ZFHX3: variants seen among roughly 807,000 people sequenced by gnomAD.
ZFHX3 encodes the protein zinc finger homeobox 3.
Under a neutral mutation model 279.1 loss-of-function variants are expected in ZFHX3, and 42 were observed. That is an observed-to-expected ratio of 0.15 (90% CI 0.12 to 0.19). The LOEUF (loss-of-function observed/expected upper bound fraction) is 0.19, where lower values mean the gene tolerates loss of function less well. ZFHX3 is among the 10% of genes least tolerant of loss of function. ZFHX3 has a pLI of 1.00. For synonymous variants in ZFHX3, 2,293 were observed against 1,957.8 expected (o/e 1.17, Z -4.52); for missense variants, 4,981 against 4,754.0 (o/e 1.05, Z -1.40).
At chr16:73,595,798 C>G (rs1368512562) in intron 2 of ZFHX3, among the ~76,000 whole-genome samples, 2 of 152,134 alleles carry the variant, frequency 1.3e-5, no homozygotes, top group Non-Finnish European at 2.9e-5. Flanking sequence ...ACTCACCGAA[C>G]TAGGCATTTG....
Position 72,796,232 on chromosome 16 carries a change from G to T in ZFHX3, c.6450C>A (p.Thr2150=). The change falls in exon 9 of 10, where the codon ACC becomes ACA. Residue 2150 remains threonine, a synonymous_variant. Transcript: ENST00000268489. ...LLQQQNKRPR[T]RITDDQLRVL... ...CTCGGAGCTGATCATCTGTGATCCTGGTGCGAGGCCTCTTGTTCTGCTGCT... is the reference window on the plus strand; with the variant it reads ...CTCGGAGCTGATCATCTGTGATCCTTGTGCGAGGCCTCTTGTTCTGCTGCT... The T allele has an allele frequency of 6.2e-7, 1 of 1,614,106 alleles. No individual in the cohort carries two copies. The highest frequency in any genetic ancestry group is 8.5e-7 in the Non-Finnish European group (1 of 1,180,026).
intron 2 of ZFHX3, chr16:73,483,318 A>AGAGC (rs2018905709): frequency 2.2e-6 from 1 of 447,818 alleles, no homozygotes. Flanking sequence ...CGAGAGACCA[A>AGAGC]GAGCGAGCGA....
At chr16:73,423,452 G>A (rs188752237) in intron 3 of ZFHX3, among the ~76,000 whole-genome samples, 89 of 152,282 alleles carry the variant, frequency 5.8e-4, no homozygotes, top group African/African-American at 2.1e-3. Flanking sequence ...GGGTGCTGGT[G>A]AGACCGGGCA....
intron 2 of ZFHX3, among the ~76,000 whole-genome samples, chr16:73,506,781 A>G (rs1032158059): frequency 2.0e-5 from 3 of 152,142 alleles, no homozygotes; most frequent in African/African-American, 7.2e-5. Flanking sequence ...AGATGACAGG[A>G]GACAGCAGGT....
At chr16:72,949,206 T>C (rs1384621552) in intron 3 of ZFHX3, among the ~76,000 whole-genome samples, 3 of 152,206 alleles carry the variant, frequency 2.0e-5, no homozygotes, top group Non-Finnish European at 2.9e-5. Context: ...CTTCCTTATA[T>C]GGAATCTCCG....
intron 3 of ZFHX3, among the ~76,000 whole-genome samples, chr16:72,899,321 C>G (rs575761391): frequency 6.6e-6 from 1 of 152,244 alleles, no homozygotes; most frequent in East Asian, 1.9e-4. Context: ...AGCGAGTTCT[C>G]ATGAGATCTG....
chr16:73,818,479 A>G (rs1234150440), intron 1 of ZFHX3, among the ~76,000 whole-genome samples: 3 of 152,208 alleles, frequency 2.0e-5, no homozygotes, highest in Non-Finnish European at 4.4e-5. Flanking sequence ...CAGCATCATT[A>G]TACATGATAT....
chr16:73,395,557 C>T (rs1218223063), intron 3 of ZFHX3, among the ~76,000 whole-genome samples: 4 of 151,920 alleles, frequency 2.6e-5, no homozygotes, highest in Admixed American at 6.6e-5. Context: ...AAATTCTGAA[C>T]TAATTGCCCA....
At chr16:73,485,987 T>C (rs1013317897) in intron 2 of ZFHX3, among the ~76,000 whole-genome samples, 1 of 152,238 alleles carries the variant, frequency 6.6e-6, no homozygotes. Context: ...TGTTCATCAA[T>C]GTGTCCCAAG....
intron 1 of ZFHX3, among the ~76,000 whole-genome samples, chr16:73,844,897 T>C (rs528127530): frequency 6.6e-6 from 1 of 151,894 alleles, no homozygotes; most frequent in South Asian, 2.1e-4. Context: ...AGGAAGATGA[T>C]GAATAGATGA....
At chr16:73,670,655 A>G (rs1249599438) in intron 2 of ZFHX3, among the ~76,000 whole-genome samples, 1 of 152,214 alleles carries the variant, frequency 6.6e-6, no homozygotes, top group Non-Finnish European at 1.5e-5. Flanking sequence ...AATAAGGAGT[A>G]AAAACAGGAA....
chr16:73,237,547 T>C (rs1407412454), intron 5 of ZFHX3, among the ~76,000 whole-genome samples: 1 of 148,884 alleles, frequency 6.7e-6, no homozygotes, highest in Non-Finnish European at 1.5e-5. Flanking sequence ...TTTTTTTTTT[T>C]TTTTGGAGAG....
intron 5 of ZFHX3, among the ~76,000 whole-genome samples, chr16:73,221,394 A>T (rs774851932): frequency 1.1e-4 from 17 of 152,184 alleles, no homozygotes; most frequent in Admixed American, 5.9e-4. Context: ...ACTTGAGTAT[A>T]TATTTTATTT....
chr16:73,810,589 T>A (rs978486108), intron 1 of ZFHX3, among the ~76,000 whole-genome samples: 2 of 152,208 alleles, frequency 1.3e-5, no homozygotes, highest in Non-Finnish European at 2.9e-5. Flanking sequence ...CATTATCTTA[T>A]TTGAGCCTTA....
At chr16:73,856,499 T>G (rs1285971630) in intron 1 of ZFHX3, among the ~76,000 whole-genome samples, 2 of 152,210 alleles carry the variant, frequency 1.3e-5, no homozygotes, top group Non-Finnish European at 2.9e-5. Context: ...ATGGATATCC[T>G]CTGCTCCAAA....
rs376134740 is a variant in ZFHX3, at chr16:73,562,094, A to G, written c.-1546-105836T>C. Among the ~76,000 whole-genome samples the G allele has an allele frequency of 7.0e-4, 106 of 152,294 alleles. No individual in the cohort carries two copies. In the South Asian group the frequency reaches 0.022, roughly 31 times the overall value. On this transcript the variant is annotated intron_variant, in intron 2 of 17. Transcript: ENST00000641206. The stretch of plus-strand genomic sequence containing the variant: ...ATATAGTCATTAACATCCTCCTTCA[A>G]AGACAGTCTAGTCAATGTATCTGCT...
At chr16:73,053,352 G>C (rs377343942) in intron 1 of ZFHX3, among the ~76,000 whole-genome samples, 2 of 152,182 alleles carry the variant, frequency 1.3e-5, no homozygotes, top group East Asian at 1.9e-4. Context: ...GGAAGGCGGT[G>C]GTGGGGAGGC....
chr16:72,896,806 A>G (rs550617703), intron 3 of ZFHX3, among the ~76,000 whole-genome samples: 66 of 152,338 alleles, frequency 4.3e-4, no homozygotes, highest in African/African-American at 1.6e-3. Context: ...AATGCAAAAT[A>G]TTGATCAGGT....
At chr16:73,478,334 G>A (rs1398893193) in intron 2 of ZFHX3, among the ~76,000 whole-genome samples, 1 of 149,918 alleles carries the variant, frequency 6.7e-6, no homozygotes, top group Non-Finnish European at 1.5e-5. Flanking sequence ...ACAGGGACTT[G>A]AACCCTGGAC....
Sources: allele counts gnomAD v4.1 joint callset (sites outside exome capture counted in the v4.1 genomes callset), GRCh38; gene constraint gnomAD v4.1.1; transcripts MANE v1.5; gene names NCBI Gene and HGNC (gene_info 2026-07-23, HGNC 2026-07-21).